Variants in KIAA1217 observed in about 807,000 individuals in gnomAD.
KIAA1217 encodes sickle tail protein homolog.
In KIAA1217, 88 loss-of-function variants were observed where a neutral mutation model predicts 163.9. The ratio of observed to expected loss-of-function variants is 0.54; its 90% CI spans 0.45 to 0.64. The LOEUF (loss-of-function observed/expected upper bound fraction) is 0.64. KIAA1217 is among the 30% of genes least tolerant of loss of function. The probability of loss-of-function intolerance (pLI) is 0.00; values close to 1 mark genes in which losing one functional copy is unlikely to be tolerated. For missense variants in KIAA1217, 2,372 were observed against 2,475.0 expected (o/e 0.96, Z 0.88); for synonymous variants, 903 against 923.1 (o/e 0.98, Z 0.39).
At chr10:23,959,293 A>G (rs1459928938) in intron 1 of KIAA1217, among the ~76,000 whole-genome samples, 1 of 151,956 alleles carries the variant, frequency 6.6e-6, no homozygotes, top group East Asian at 1.9e-4. Flanking sequence ...ACTTTAGGAG[A>G]CTGAGGCAGG....
At position 23,741,908 on chromosome 10, in the gene KIAA1217, G is replaced by A. The variant is rs551331891; in HGVS notation, c.-321+46674G>A. On this transcript the variant is annotated intron_variant, in intron 1 of 18. Transcript: ENST00000376462. Reference sequence around the variant, plus strand: ...AAGTGATGGGATGAGGCCATCTGGGGATATGGAGTCCAGGCACAGGAAGTC... The same window carrying A: ...AAGTGATGGGATGAGGCCATCTGGGAATATGGAGTCCAGGCACAGGAAGTC... 7.2e-5 allele frequency among the ~76,000 whole-genome samples: 11 copies of A among 152,336 alleles called. No individual in the cohort carries two copies. The South Asian group carries it at 1.5e-3, about 20-fold the overall frequency.
At chr10:23,828,258 C>T (rs1837999268) in intron 1 of KIAA1217, among the ~76,000 whole-genome samples, 1 of 152,074 alleles carries the variant, frequency 6.6e-6, no homozygotes, top group Non-Finnish European at 1.5e-5. Context: ...GTGCCAGTGT[C>T]CCTGGGAGAT....
chr10:24,434,025 C>CTTTTT (rs569791889), intron 4 of KIAA1217, among the ~76,000 whole-genome samples: 5 of 72,628 alleles, frequency 6.9e-5, no homozygotes, highest in Non-Finnish European at 9.3e-5. Context: ...CTCTCTCTCT[C>CTTTTT]TTTTTTTTTT....
intron 2 of KIAA1217, among the ~76,000 whole-genome samples, chr10:24,275,462 T>A (rs531645932): frequency 6.6e-6 from 1 of 152,328 alleles, no homozygotes; most frequent in South Asian, 2.1e-4. Context: ...AGACGCCACC[T>A]GGGAACGTGC....
At chr10:23,864,698 G>T (rs1053983390) in intron 1 of KIAA1217, among the ~76,000 whole-genome samples, 4 of 151,780 alleles carry the variant, frequency 2.6e-5, no homozygotes, top group Non-Finnish European at 5.9e-5. Context: ...TATTAGTCAG[G>T]GTTCTCCAGA....
At chr10:24,318,088 C>T (rs1283120412) in intron 2 of KIAA1217, among the ~76,000 whole-genome samples, 1 of 152,120 alleles carries the variant, frequency 6.6e-6, no homozygotes, top group Non-Finnish European at 1.5e-5. Flanking sequence ...AGGAAGATCA[C>T]TTGAGGCTAG....
chr10:24,069,955 T>C (rs1274649409), intron 2 of KIAA1217, among the ~76,000 whole-genome samples: 1 of 152,180 alleles, frequency 6.6e-6, no homozygotes, highest in African/African-American at 2.4e-5. Flanking sequence ...TCCTCCTGCT[T>C]CAGCCTCCTG....
chr10:24,203,474 G>A (rs1172015627), intron 2 of KIAA1217, among the ~76,000 whole-genome samples: 1 of 152,082 alleles, frequency 6.6e-6, no homozygotes, highest in Non-Finnish European at 1.5e-5. Flanking sequence ...GGGGATGTTG[G>A]TGGGGGAAAC....
chr10:23,952,962 TGAA>T lies in KIAA1217; in HGVS notation c.-320-54256_-320-54254del, dbSNP rs151052718. On this transcript the variant is annotated intron_variant, in intron 1 of 18. Transcript: ENST00000376462. ...CTTGGACTGCATTCATTCACAAAAG[TGAA>T]GAAGAACAACACCAAATGCAGGAAT... Among the ~76,000 whole-genome samples the T allele has an allele frequency of 5.2e-4, 79 of 152,332 alleles. 5 individuals are homozygous for T. The East Asian group carries it at 0.015, about 28-fold the overall frequency.
intron 10 of KIAA1217, among the ~76,000 whole-genome samples, chr10:24,515,179 T>A (rs1454311085): frequency 6.6e-6 from 1 of 151,808 alleles, no homozygotes; most frequent in Non-Finnish European, 1.5e-5. Context: ...CCTATTCTCC[T>A]ATGTCAGCCT....
At chr10:23,752,862 C>T (rs748823719) in intron 1 of KIAA1217, among the ~76,000 whole-genome samples, 2 of 152,100 alleles carry the variant, frequency 1.3e-5, no homozygotes, top group African/African-American at 2.4e-5. Flanking sequence ...ACAGGGCAGC[C>T]CTGTGCTAAG....
At chr10:23,775,676 A>C (rs1834979803) in intron 1 of KIAA1217, among the ~76,000 whole-genome samples, 1 of 152,242 alleles carries the variant, frequency 6.6e-6, no homozygotes, top group Non-Finnish European at 1.5e-5. Context: ...TCAAGATATG[A>C]AACTTCACTT....
intron 9 of KIAA1217, among the ~76,000 whole-genome samples, chr10:24,508,515 A>C (rs1210924075): frequency 6.6e-6 from 1 of 152,216 alleles, no homozygotes; most frequent in African/African-American, 2.4e-5. Flanking sequence ...AAAGAAATAG[A>C]GTCACACAAA....
chr10:24,065,383 C>A (rs1463329001), intron 2 of KIAA1217, among the ~76,000 whole-genome samples: 2 of 152,078 alleles, frequency 1.3e-5, no homozygotes, highest in Non-Finnish European at 1.5e-5. Flanking sequence ...TTTATTTCTG[C>A]CTTCATTTCG....
chr10:24,474,631 T>C (rs2063821578), intron 6 of KIAA1217, among the ~76,000 whole-genome samples: 1 of 152,226 alleles, frequency 6.6e-6, no homozygotes, highest in Non-Finnish European at 1.5e-5. Context: ...CTAGGAGTGG[T>C]GCTGAAATCA....
intron 1 of KIAA1217, among the ~76,000 whole-genome samples, chr10:23,926,493 C>T (rs1006510090): frequency 1.3e-5 from 2 of 152,036 alleles, no homozygotes; most frequent in African/African-American, 2.4e-5. Context: ...GGGAGGGCGA[C>T]GTGAGTGGAT....
intron 10 of KIAA1217, 79 bp downstream of exon 10, chr10:24,513,513 A>C (rs2069531331): frequency 7.0e-7 from 1 of 1,423,086 alleles, no homozygotes; most frequent in South Asian, 1.3e-5. Flanking sequence ...GGTCCTTCCC[A>C]GTTGGTGGTC....
At chr10:23,714,853 G>A (rs1157870350) in intron 1 of KIAA1217, among the ~76,000 whole-genome samples, 1 of 152,048 alleles carries the variant, frequency 6.6e-6, no homozygotes, top group Non-Finnish European at 1.5e-5. Context: ...CATAAGACAG[G>A]TAGATCTCCT....
rs1238109450 is a variant in KIAA1217, at chr10:24,486,275, C to T, written c.1680-8225C>T. Among the ~76,000 whole-genome samples the T allele has an allele frequency of 5.9e-5, 9 of 152,278 alleles. 1 individual carries two copies. In the South Asian group the frequency reaches 1.0e-3, roughly 18 times the overall value. ...CGTCCAACCTCAGCTCAGACTTCCC[C>T]ATGGTTCCTATCACACTCAGGGTCA... is the stretch of plus-strand genomic sequence containing the variant. On this transcript the variant is annotated intron_variant, in intron 6 of 20. Coordinates refer to ENST00000376454, the MANE Select transcript of KIAA1217 (RefSeq NM_019590.5).
Sources: allele counts gnomAD v4.1 joint callset (sites outside exome capture counted in the v4.1 genomes callset), GRCh38; gene constraint gnomAD v4.1.1; transcripts MANE v1.5; gene names NCBI Gene and HGNC (gene_info 2026-07-23, HGNC 2026-07-21).